Variants in LMNTD1 observed in about 807,000 individuals in gnomAD.
The protein encoded by LMNTD1 is lamin tail domain-containing protein 1.
A neutral mutation model predicts 50.9 loss-of-function variants in LMNTD1; 35 were observed. The observed-to-expected ratio is 0.69, with a 90% confidence interval of 0.53 to 0.91. The LOEUF (loss-of-function observed/expected upper bound fraction) is 0.91, where lower values mean the gene tolerates loss of function less well. Ranked by LOEUF, LMNTD1 falls within the 40% of genes least tolerant of loss-of-function variation. The pLI is 0.00. For synonymous variants in LMNTD1, 153 were observed against 161.9 expected (o/e 0.94, Z 0.42); for missense variants, 470 against 475.5 (o/e 0.99, Z 0.11).
At chr12:25,630,919 C>T (rs1565528926) in intron 1 of LMNTD1, among the ~76,000 whole-genome samples, 1 of 152,128 alleles carries the variant, frequency 6.6e-6, no homozygotes, top group Non-Finnish European at 1.5e-5. Context: ...GGCGGGTAGC[C>T]TGTCTCGCCC....
At chr12:25,505,870 T>A (rs1294392079) in intron 8 of LMNTD1, among the ~76,000 whole-genome samples, 1 of 152,220 alleles carries the variant, frequency 6.6e-6, no homozygotes, top group African/African-American at 2.4e-5. Flanking sequence ...TATGTTTATA[T>A]GTATATAATA....
intron 1 of LMNTD1, among the ~76,000 whole-genome samples, chr12:25,574,216 A>G (rs1420538811): frequency 2.6e-5 from 4 of 152,142 alleles, no homozygotes; most frequent in Admixed American, 1.3e-4. Flanking sequence ...TTCCATCTCC[A>G]TGACAACTCC....
At chr12:25,494,143 G>A (rs1938983148) in intron 9 of LMNTD1, among the ~76,000 whole-genome samples, 1 of 152,162 alleles carries the variant, frequency 6.6e-6, no homozygotes, top group African/African-American at 2.4e-5. Context: ...CTGTGACTAC[G>A]TTCCTCCTTC....
chr12:25,491,595 C>T (rs1413545723), intron 9 of LMNTD1, among the ~76,000 whole-genome samples: 3 of 152,204 alleles, frequency 2.0e-5, no homozygotes, highest in African/African-American at 7.2e-5. Context: ...TCTATTGCCC[C>T]AAGGCAATGT....
chr12:25,639,667 A>T (rs1010378127), intron 1 of LMNTD1, among the ~76,000 whole-genome samples: 3 of 152,214 alleles, frequency 2.0e-5, no homozygotes, highest in African/African-American at 7.2e-5. Context: ...CTTGTTTAGT[A>T]TGTGAACAAA....
chr12:25,537,603 T>TA (rs1565989373), intron 4 of LMNTD1, among the ~76,000 whole-genome samples: 1 of 151,534 alleles, frequency 6.6e-6, no homozygotes, highest in African/African-American at 2.4e-5. Flanking sequence ...CAAAAGTAGA[T>TA]AAAACCACAA....
chr12:25,583,995 C>T (rs7316848), intron 1 of LMNTD1, among the ~76,000 whole-genome samples: 18,662 of 152,118 alleles, frequency 0.12, 1,427 homozygotes, highest in South Asian at 0.25. Flanking sequence ...TTCCATCATC[C>T]AGGGAGAGCC....
intron 1 of LMNTD1, among the ~76,000 whole-genome samples, chr12:25,635,253 A>AG (rs1491458189): frequency 5.2e-3 from 175 of 33,518 alleles, no homozygotes; most frequent in African/African-American, 0.013. Flanking sequence ...AAAAAAAAAG[A>AG]AAAAAAAAAA....
chr12:25,633,000 A>C (rs561740709), intron 1 of LMNTD1, among the ~76,000 whole-genome samples: 2 of 151,134 alleles, frequency 1.3e-5, no homozygotes, highest in East Asian at 3.9e-4. Context: ...AATAGACACC[A>C]AAAGTGAGCA....
chr12:25,521,333 A>G (rs78510119), intron 6 of LMNTD1, among the ~76,000 whole-genome samples: 3,076 of 152,208 alleles, frequency 0.02, 81 homozygotes, highest in African/African-American at 0.058. Context: ...GTTCTTTCCC[A>G]GCAGTATTAT....
intron 8 of LMNTD1, among the ~76,000 whole-genome samples, chr12:25,509,317 A>G (rs562809193): frequency 6.6e-6 from 1 of 152,324 alleles, no homozygotes; most frequent in Non-Finnish European, 1.5e-5. Flanking sequence ...CATGTTGGCC[A>G]GGCTGGTCTC....
chr12:25,631,787 A>G (rs1173898558), intron 1 of LMNTD1, among the ~76,000 whole-genome samples: 1 of 152,184 alleles, frequency 6.6e-6, no homozygotes, highest in East Asian at 1.9e-4. Context: ...CAATGCATCC[A>G]AACCAAAAAT....
intron 8 of LMNTD1, among the ~76,000 whole-genome samples, chr12:25,513,694 C>G (rs1591861679): frequency 1.3e-5 from 2 of 152,120 alleles, no homozygotes; most frequent in Admixed American, 1.3e-4. Flanking sequence ...GCTATCAAAA[C>G]TAAAAAGTTC....
chr12:25,620,952 G>T (rs1028754083), intron 1 of LMNTD1, among the ~76,000 whole-genome samples: 1 of 152,166 alleles, frequency 6.6e-6, no homozygotes, highest in African/African-American at 2.4e-5. Flanking sequence ...AGCAATCAAG[G>T]CTTCAGTAAC....
chr12:25,570,522 T>G (rs1048628757), intron 1 of LMNTD1, among the ~76,000 whole-genome samples: 9 of 152,180 alleles, frequency 5.9e-5, no homozygotes, highest in Non-Finnish European at 2.9e-5. Context: ...TATGTACTTT[T>G]CTGGCATGCA....
At chr12:25,615,277 A>T (rs547426520) in intron 1 of LMNTD1, among the ~76,000 whole-genome samples, 9 of 152,136 alleles carry the variant, frequency 5.9e-5, no homozygotes, top group Non-Finnish European at 1.2e-4. Context: ...ACACATGAGC[A>T]CAATTCCTGG....
intron 1 of LMNTD1, among the ~76,000 whole-genome samples, chr12:25,618,193 A>G (rs1490981425): frequency 1.3e-5 from 2 of 152,126 alleles, no homozygotes; most frequent in Admixed American, 6.6e-5. Context: ...TTTACTCACA[A>G]TGGACATTTT....
intron 1 of LMNTD1, among the ~76,000 whole-genome samples, chr12:25,643,039 T>A (rs972380628): frequency 3.9e-5 from 6 of 152,144 alleles, no homozygotes; most frequent in African/African-American, 7.2e-5. Context: ...TAGCACAAGA[T>A]CATAGCCTTG....
At chr12:25,518,767 C>T (rs142306194) in intron 8 of LMNTD1, 28 bp downstream of exon 8, 3 of 1,609,802 alleles carry the variant, frequency 1.9e-6, no homozygotes, top group African/African-American at 1.3e-5. Context: ...ACGCACTCTC[C>T]ACTGGAACAA....
Sources: allele counts gnomAD v4.1 joint callset (sites outside exome capture counted in the v4.1 genomes callset), GRCh38; gene constraint gnomAD v4.1.1; transcripts MANE v1.5; gene names NCBI Gene and HGNC (gene_info 2026-07-23, HGNC 2026-07-21).